MRPS9: variants seen among roughly 807,000 people sequenced by gnomAD.
MRPS9 encodes the protein small ribosomal subunit protein uS9m.
MRPS9 carries 45 observed loss-of-function variants against 59.9 expected under a neutral mutation model. The ratio of observed to expected loss-of-function variants is 0.75; its 90% confidence interval spans 0.59 to 0.96. The LOEUF (loss-of-function observed/expected upper bound fraction) is 0.96, where lower values mean the gene tolerates loss of function less well. Ranked by LOEUF, MRPS9 falls within the 40% of genes least tolerant of loss-of-function variation. The pLI is 0.00. For missense variants in MRPS9, 473 were observed against 481.1 expected (o/e 0.98, Z 0.16); for synonymous variants, 171 against 166.8 (o/e 1.03, Z -0.19).
intron 4 of MRPS9, among the ~76,000 whole-genome samples, chr2:105,074,664 C>CAGGAAAT (rs1341033947): frequency 1.3e-5 from 2 of 152,116 alleles, no homozygotes; most frequent in Non-Finnish European, 2.9e-5. Context: ...ACGTAACAGC[C>CAGGAAAT]AGGAAATAGT....
chr2:105,053,890 G>T (rs969537074), intron 2 of MRPS9, among the ~76,000 whole-genome samples: 2 of 152,110 alleles, frequency 1.3e-5, no homozygotes, highest in Non-Finnish European at 2.9e-5. Context: ...ATCAAATCAT[G>T]AATTAATAGG....
intron 1 of MRPS9, among the ~76,000 whole-genome samples, chr2:105,047,300 C>T (rs1463558094): frequency 6.6e-6 from 1 of 151,946 alleles, no homozygotes; most frequent in Non-Finnish European, 1.5e-5. Context: ...CCTTTTCTTA[C>T]TCATTAAAAA....
At chr2:105,076,781 C>G (rs184537793) in intron 4 of MRPS9, among the ~76,000 whole-genome samples, 4 of 152,328 alleles carry the variant, frequency 2.6e-5, no homozygotes, top group Admixed American at 2.0e-4. Context: ...AAAAATTTCT[C>G]TTTGACAAAG....
intron 2 of MRPS9, among the ~76,000 whole-genome samples, chr2:105,065,490 A>G (rs1480314529): frequency 6.6e-6 from 1 of 152,192 alleles, no homozygotes; most frequent in Admixed American, 6.5e-5. Context: ...GTGAATGACT[A>G]CTAGTTGTAT....
At chr2:105,089,093 A>G (rs878892385) in intron 6 of MRPS9, 24 bp downstream of exon 6, 4 of 1,566,160 alleles carry the variant, frequency 2.6e-6, no homozygotes, top group South Asian at 2.3e-5. Context: ...TTGCATTAAA[A>G]TATAAGTAAA....
chr2:105,040,850 T>C (rs1191775337), intron 1 of MRPS9, among the ~76,000 whole-genome samples: 5 of 152,118 alleles, frequency 3.3e-5, no homozygotes, highest in African/African-American at 1.2e-4. Flanking sequence ...AGGTAGAGGA[T>C]TGTCATGGGC....
chr2:105,043,002 G>A (rs1305105330), intron 1 of MRPS9, among the ~76,000 whole-genome samples: 6 of 149,042 alleles, frequency 4.0e-5, no homozygotes, highest in Admixed American at 4.0e-4. Flanking sequence ...CAGACATTCT[G>A]TTATTTTACT....
rs184766823 is a variant in MRPS9 at position 105,080,591 on chromosome 2, T to C, written c.489+529T>C. Among the ~76,000 whole-genome samples, 506 of 152,298 alleles carry C rather than the reference T, an allele frequency of 3.3e-3. 5 individuals are homozygous for C. The highest frequency in any genetic ancestry group is 0.011 in the African/African-American group (470 of 41,564). On this transcript the variant is annotated intron_variant, in intron 5 of 10. Transcript: ENST00000258455. ...GCATTTAGTATGCTGTGAACAATTT[T>C]TGTTTTGTTTTCAGAGCTATAAGTG...
At chr2:105,071,231 G>A in intron 2 of MRPS9, 82 bp from the exon 3 acceptor site, 1 of 1,067,340 alleles carries the variant, frequency 9.4e-7, no homozygotes, top group South Asian at 1.5e-5. Context: ...TCAATGTCCA[G>A]CATATAGAAA....
At chr2:105,095,675 T>A (rs1680646868) in intron 9 of MRPS9, among the ~76,000 whole-genome samples, 1 of 151,768 alleles carries the variant, frequency 6.6e-6, no homozygotes, top group Non-Finnish European at 1.5e-5. Flanking sequence ...TTTTGTATTT[T>A]TAGTAGAGAC....
chr2:105,081,074 T>A (rs1448714284), intron 5 of MRPS9, among the ~76,000 whole-genome samples: 1 of 152,230 alleles, frequency 6.6e-6, no homozygotes, highest in Non-Finnish European at 1.5e-5. Flanking sequence ...AGCCTGAGGC[T>A]GCCCGGGGAC....
At chr2:105,069,358 G>T (rs1424746203) in intron 2 of MRPS9, among the ~76,000 whole-genome samples, 2 of 151,942 alleles carry the variant, frequency 1.3e-5, no homozygotes, top group African/African-American at 4.8e-5. Context: ...GGGATTACAG[G>T]CGCCCGCCAC....
At chr2:105,063,955 G>T (rs1330733426) in intron 2 of MRPS9, among the ~76,000 whole-genome samples, 1 of 152,212 alleles carries the variant, frequency 6.6e-6, no homozygotes, top group Non-Finnish European at 1.5e-5. Flanking sequence ...TTTGGCAACA[G>T]CACATAGGAG....
chr2:105,070,618 A>G (rs1680095034), intron 2 of MRPS9, among the ~76,000 whole-genome samples: 3 of 152,138 alleles, frequency 2.0e-5, no homozygotes, highest in Non-Finnish European at 2.9e-5. Flanking sequence ...GGCTTAAGCT[A>G]TTGTTCTCAG....
intron 8 of MRPS9, 106 bp downstream of exon 8, chr2:105,092,675 T>C: frequency 9.4e-7 from 1 of 1,059,010 alleles, no homozygotes; most frequent in Non-Finnish European, 1.3e-6. Context: ...TTTATTTGTT[T>C]ATTTTTGCTA....
Position 105,088,911 on chromosome 2 carries a change from T to C in MRPS9, c.490-73T>C, listed in dbSNP as rs1336415276. On this transcript the variant is annotated intron_variant, in intron 5 of 10. Transcript: ENST00000258455. ...AGGAAGTACTTACAGGAGAAAACTATAAAATATATCAGAAGTTATAATGTA... is the reference window on the plus strand; with the variant it reads ...AGGAAGTACTTACAGGAGAAAACTACAAAATATATCAGAAGTTATAATGTA... 24 of 1,059,562 alleles carry C rather than the reference T, an allele frequency of 2.3e-5. No individual in the cohort carries two copies. The South Asian group carries it at 4.2e-4, about 18-fold the overall frequency. The allele number at this position is 1,059,562 out of a possible 1,614,324, so 65.6% of individuals were successfully genotyped here.
At chr2:105,073,530 G>T (rs990844433) in intron 4 of MRPS9, among the ~76,000 whole-genome samples, 1 of 152,092 alleles carries the variant, frequency 6.6e-6, no homozygotes, top group Non-Finnish European at 1.5e-5. Flanking sequence ...AAAAGTAACA[G>T]TGAATTTTAG....
intron 10 of MRPS9, chr2:105,098,309 A>G (rs1201438277): frequency 6.6e-6 from 1 of 152,158 alleles, no homozygotes; most frequent in Non-Finnish European, 1.5e-5. Flanking sequence ...TGGCGGCTGC[A>G]TGGTCGTGGG....
intron 1 of MRPS9, among the ~76,000 whole-genome samples, chr2:105,039,239 A>C (rs1456844356): frequency 2.0e-5 from 3 of 152,082 alleles, no homozygotes; most frequent in Non-Finnish European, 4.4e-5. Flanking sequence ...TAAAAAAAAA[A>C]ACATCTTTTT....
Sources: allele counts gnomAD v4.1 joint callset (sites outside exome capture counted in the v4.1 genomes callset), GRCh38; gene constraint gnomAD v4.1.1; transcripts MANE v1.5; gene names NCBI Gene and HGNC (gene_info 2026-07-23, HGNC 2026-07-21).